THSD7B: variants seen among roughly 807,000 people sequenced by gnomAD.
THSD7B encodes thrombospondin type-1 domain-containing protein 7B.
In THSD7B, 138 loss-of-function variants were observed where a neutral mutation model predicts 213.6. That is an observed-to-expected ratio of 0.65 (90% confidence interval 0.56 to 0.74). The LOEUF (loss-of-function observed/expected upper bound fraction) is 0.74. Among genes scored for constraint, THSD7B ranks in the 30% least tolerant of loss-of-function variants. THSD7B has a pLI of 0.00. For synonymous variants in THSD7B, 742 were observed against 687.0 expected (o/e 1.08, Z -1.25); for missense variants, 1,931 against 1,991.5 (o/e 0.97, Z 0.58).
chr2:137,184,811 C>T (rs1680520623), intron 7 of THSD7B, among the ~76,000 whole-genome samples: 1 of 152,096 alleles, frequency 6.6e-6, no homozygotes, highest in Admixed American at 6.6e-5. Flanking sequence ...GAAAACTATT[C>T]TTAAGGCATA....
At chr2:137,023,165 TA>T (rs1279641338) in intron 2 of THSD7B, among the ~76,000 whole-genome samples, 2 of 152,178 alleles carry the variant, frequency 1.3e-5, no homozygotes, top group African/African-American at 4.8e-5. Flanking sequence ...CAGAGGGTGG[TA>T]AACCATCTCT....
chr2:137,298,774 C>T (rs1449153402), intron 12 of THSD7B, among the ~76,000 whole-genome samples: 1 of 152,124 alleles, frequency 6.6e-6, no homozygotes, highest in East Asian at 1.9e-4. Flanking sequence ...TGCGGGTGCA[C>T]AGAAGTCAAG....
chr2:137,023,194 G>A (rs1290539859), intron 2 of THSD7B, among the ~76,000 whole-genome samples: 1 of 152,184 alleles, frequency 6.6e-6, no homozygotes, highest in East Asian at 1.9e-4. Context: ...GCAACCACTG[G>A]AAGCTGCTAC....
At chr2:137,645,170 G>A (rs1683007519) in intron 21 of THSD7B, among the ~76,000 whole-genome samples, 1 of 152,052 alleles carries the variant, frequency 6.6e-6, no homozygotes, top group African/African-American at 2.4e-5. Context: ...CTGGTTATGT[G>A]GGCAGGAAGT....
chr2:137,487,574 A>T (rs1342243485), intron 15 of THSD7B, among the ~76,000 whole-genome samples: 9 of 150,896 alleles, frequency 6.0e-5, no homozygotes, highest in South Asian at 2.1e-4. Flanking sequence ...AGCAAGACTA[A>T]TAAAGAAGAA....
intron 2 of THSD7B, among the ~76,000 whole-genome samples, chr2:137,025,017 G>T (rs913493917): frequency 1.3e-5 from 2 of 152,022 alleles, no homozygotes; most frequent in African/African-American, 4.8e-5. Flanking sequence ...TTTGCTTATC[G>T]TAAGTCATTG....
In THSD7B at chr2:137,203,798, T is replaced by C. The variant is rs535629778; in HGVS notation, c.1724-27246T>C. Among the ~76,000 whole-genome samples the C allele has an allele frequency of 8.5e-5, 13 of 152,128 alleles. No homozygotes were observed. In the South Asian group the frequency reaches 2.7e-3, roughly 32 times the overall value. ...ATGCAGTGTATTTCTTACTTTTAAT[T>C]GGCATTGATTAAAAATTTTTAATAG... On this transcript the variant is annotated intron_variant, in intron 7 of 27. Transcript: ENST00000409968.
intron 12 of THSD7B, among the ~76,000 whole-genome samples, chr2:137,352,216 T>C (rs1685030534): frequency 6.6e-6 from 1 of 151,798 alleles, no homozygotes; most frequent in African/African-American, 2.4e-5. Flanking sequence ...TTTCATGTAA[T>C]TATAAATGAA....
chr2:136,996,200 A>G (rs1685884511), intron 2 of THSD7B, among the ~76,000 whole-genome samples: 2 of 152,238 alleles, frequency 1.3e-5, no homozygotes, highest in African/African-American at 2.4e-5. Context: ...GCACTAAGCT[A>G]GCAGACTGGA....
At chr2:137,669,071 C>T (rs1284284585) in intron 27 of THSD7B, among the ~76,000 whole-genome samples, 2 of 151,326 alleles carry the variant, frequency 1.3e-5, no homozygotes, top group Non-Finnish European at 3.0e-5. Flanking sequence ...GCAGAAGTTT[C>T]AATGGATTTT....
intron 3 of THSD7B, among the ~76,000 whole-genome samples, chr2:137,072,286 G>A (rs1687509733): frequency 6.6e-6 from 1 of 152,076 alleles, no homozygotes; most frequent in Admixed American, 6.6e-5. Context: ...ATTTCGTTGA[G>A]CAGTGGTTTG....
chr2:137,325,075 G>T (rs1195760807), intron 12 of THSD7B, among the ~76,000 whole-genome samples: 1 of 152,216 alleles, frequency 6.6e-6, no homozygotes, highest in Non-Finnish European at 1.5e-5. Flanking sequence ...AGATGTTGTT[G>T]CTATAGAAAG....
intron 1 of THSD7B, among the ~76,000 whole-genome samples, chr2:136,813,549 G>A (rs937954093): frequency 1.3e-5 from 2 of 152,092 alleles, no homozygotes; most frequent in African/African-American, 4.8e-5. Context: ...CTCCTAATTT[G>A]AAGTTTGAAC....
At chr2:136,866,061 C>T (rs1683326790) in intron 1 of THSD7B, among the ~76,000 whole-genome samples, 1 of 152,132 alleles carries the variant, frequency 6.6e-6, no homozygotes, top group African/African-American at 2.4e-5. Context: ...GTGAGCATTG[C>T]CTCTGGTTCC....
chr2:137,536,390 T>C (rs1327533674), intron 15 of THSD7B, among the ~76,000 whole-genome samples: 2 of 151,566 alleles, frequency 1.3e-5, no homozygotes, highest in African/African-American at 4.8e-5. Context: ...TGAACTCAAC[T>C]CTAAAGAAAG....
At chr2:137,015,156 C>T (rs1558887558) in intron 2 of THSD7B, among the ~76,000 whole-genome samples, 1 of 152,162 alleles carries the variant, frequency 6.6e-6, no homozygotes, top group Non-Finnish European at 1.5e-5. Flanking sequence ...ATGTCTTGCT[C>T]ACTGTTGTGT....
intron 7 of THSD7B, among the ~76,000 whole-genome samples, chr2:137,213,001 C>A: frequency 7.9e-6 from 1 of 127,188 alleles, no homozygotes. Context: ...AAAAATTGTT[C>A]TAAATTGCAT....
chr2:137,131,453 C>T (rs1393933545), intron 5 of THSD7B, among the ~76,000 whole-genome samples: 3 of 152,070 alleles, frequency 2.0e-5, no homozygotes, highest in Admixed American at 6.5e-5. Context: ...AAGTCCTTGC[C>T]CATGCCTATG....
chr2:137,276,341 T>C (rs1682871322), intron 12 of THSD7B, among the ~76,000 whole-genome samples: 1 of 152,084 alleles, frequency 6.6e-6, no homozygotes, highest in Non-Finnish European at 1.5e-5. Flanking sequence ...ATGAAGGTTT[T>C]GTCAAGATGA....
Sources: gnomAD v4.1 joint callset for allele counts (sites outside exome capture counted in the v4.1 genomes callset) on GRCh38, gnomAD v4.1.1 for gene constraint, MANE v1.5 for transcripts, NCBI Gene and HGNC (gene_info 2026-07-23, HGNC 2026-07-21) for gene names.